Variants in VAV3 observed in about 807,000 individuals in gnomAD.
VAV3 encodes the protein guanine nucleotide exchange factor VAV3.
Under a neutral mutation model 131.2 loss-of-function variants are expected in VAV3, and 94 were observed. That is an observed-to-expected ratio of 0.72 (90% CI 0.61 to 0.85). The LOEUF (loss-of-function observed/expected upper bound fraction) is 0.85. VAV3 is among the 40% of genes least tolerant of loss of function. The pLI, the probability that VAV3 is intolerant of heterozygous loss-of-function variation, is 0.00. For synonymous variants in VAV3, 349 were observed against 342.0 expected, an observed-to-expected ratio of 1.02 and a Z score of -0.22; for missense variants, 939 against 1,002.7, an observed-to-expected ratio of 0.94 and a Z score of 0.86.
chr1:107,721,325 A>G (rs1049259393), intron 15 of VAV3, among the ~76,000 whole-genome samples: 8 of 152,192 alleles, frequency 5.3e-5, no homozygotes, highest in African/African-American at 1.9e-4. Context: ...AGTATTCCAG[A>G]ACTGTTCAGA....
chr1:107,896,817 A>G (rs545906548), intron 1 of VAV3, among the ~76,000 whole-genome samples: 1 of 152,296 alleles, frequency 6.6e-6, no homozygotes, highest in African/African-American at 2.4e-5. Context: ...TTTGTTATGT[A>G]TTAGAGGGGA....
At chr1:107,841,420 C>T (rs989387293) in intron 2 of VAV3, among the ~76,000 whole-genome samples, 1 of 151,988 alleles carries the variant, frequency 6.6e-6, no homozygotes, top group African/African-American at 2.4e-5. Context: ...GAAACAGTAG[C>T]GGTTGCTATT....
chr1:107,906,326 G>A (rs922053895), intron 1 of VAV3, among the ~76,000 whole-genome samples: 10 of 152,114 alleles, frequency 6.6e-5, no homozygotes, highest in African/African-American at 2.4e-4. Flanking sequence ...GGCCAGCAAG[G>A]AACACATGTC....
intron 1 of VAV3, among the ~76,000 whole-genome samples, chr1:107,933,773 A>C (rs1257450426): frequency 6.9e-6 from 1 of 145,954 alleles, no homozygotes; most frequent in Non-Finnish European, 1.5e-5. Flanking sequence ...CCATGATTGC[A>C]CCACTCCATG....
chr1:107,894,941 T>C (rs1671494139), intron 1 of VAV3, among the ~76,000 whole-genome samples: 1 of 152,220 alleles, frequency 6.6e-6, no homozygotes, highest in African/African-American at 2.4e-5. Flanking sequence ...TCATGTTTGC[T>C]TTAACACAAA....
At chr1:107,641,536 C>T (rs1003251489) in intron 20 of VAV3, among the ~76,000 whole-genome samples, 1 of 152,036 alleles carries the variant, frequency 6.6e-6, no homozygotes, top group Non-Finnish European at 1.5e-5. Context: ...TACCTAAGTT[C>T]AAAAAAAGTT....
At chr1:107,943,771 G>A (rs1674113608) in intron 1 of VAV3, among the ~76,000 whole-genome samples, 1 of 152,194 alleles carries the variant, frequency 6.6e-6, no homozygotes, top group East Asian at 1.9e-4. Context: ...AAAACTCTGT[G>A]GCTTTTACAG....
At chr1:107,814,089 T>C (rs2102339248) in intron 2 of VAV3, among the ~76,000 whole-genome samples, 1 of 151,962 alleles carries the variant, frequency 6.6e-6, no homozygotes, top group African/African-American at 2.4e-5. Context: ...ATCTTGGCAA[T>C]TGTGAATAGT....
intron 2 of VAV3, among the ~76,000 whole-genome samples, chr1:107,784,309 C>T (rs1429995519): frequency 6.6e-6 from 1 of 152,088 alleles, no homozygotes; most frequent in African/African-American, 2.4e-5. Context: ...AGAGTCATGT[C>T]ATATGTATAC....
At chr1:107,833,607 T>C (rs1384990626) in intron 2 of VAV3, among the ~76,000 whole-genome samples, 2 of 152,224 alleles carry the variant, frequency 1.3e-5, no homozygotes, top group African/African-American at 4.8e-5. Context: ...TACAACATTC[T>C]AGGTTTATCT....
chr1:107,587,686 G>A (rs369667906), intron 25 of VAV3, among the ~76,000 whole-genome samples: 2 of 152,136 alleles, frequency 1.3e-5, no homozygotes, highest in Non-Finnish European at 2.9e-5. Flanking sequence ...CACTTCCTGG[G>A]TTCAAGCAAT....
intron 19 of VAV3, among the ~76,000 whole-genome samples, chr1:107,647,863 AC>A (rs1655850686): frequency 6.6e-6 from 1 of 152,056 alleles, no homozygotes. Context: ...ATACAAGTTC[AC>A]AATCTAAGAA....
At chr1:107,894,152 T>G (rs1671458487) in intron 1 of VAV3, among the ~76,000 whole-genome samples, 1 of 152,240 alleles carries the variant, frequency 6.6e-6, no homozygotes, top group Non-Finnish European at 1.5e-5. Context: ...AAATGGACAC[T>G]GTTTACTCGG....
chr1:107,588,361 A>G (rs1261960154), intron 25 of VAV3, among the ~76,000 whole-genome samples: 1 of 152,220 alleles, frequency 6.6e-6, no homozygotes, highest in African/African-American at 2.4e-5. Context: ...CAGGAAATAG[A>G]AGTAGGAAAC....
chr1:107,922,768 C>T (rs978248391), intron 1 of VAV3, among the ~76,000 whole-genome samples: 6 of 150,932 alleles, frequency 4.0e-5, no homozygotes, highest in Non-Finnish European at 8.9e-5. Flanking sequence ...CTGGCTAACA[C>T]AGTGAAACCC....
At chr1:107,685,026 A>AAAATAGAAG (rs1658919676) in intron 18 of VAV3, among the ~76,000 whole-genome samples, 2 of 152,162 alleles carry the variant, frequency 1.3e-5, no homozygotes, top group Non-Finnish European at 2.9e-5. Context: ...CTGTCTTTCT[A>AAAATAGAAG]CTGATTTTAT....
chr1:107,849,402 T>C (rs139959870), intron 2 of VAV3, among the ~76,000 whole-genome samples: 3,244 of 152,038 alleles, frequency 0.021, 48 homozygotes, highest in Middle Eastern at 0.031. Context: ...TGGAACAGAA[T>C]AGAGGCCTCA....
chr1:107,944,076 G>T (rs1415744768), intron 1 of VAV3, among the ~76,000 whole-genome samples: 1 of 152,176 alleles, frequency 6.6e-6, no homozygotes, highest in Non-Finnish European at 1.5e-5. Context: ...GTCTCCCAAG[G>T]TCAAAATAAT....
intron 2 of VAV3, among the ~76,000 whole-genome samples, chr1:107,856,410 G>A (rs1170680277): frequency 6.6e-6 from 1 of 152,010 alleles, no homozygotes; most frequent in Non-Finnish European, 1.5e-5. Flanking sequence ...TTGAGCCAAA[G>A]TCAAACCAGA....
Sources: gnomAD v4.1 joint callset for allele counts (sites outside exome capture counted in the v4.1 genomes callset) on GRCh38, gnomAD v4.1.1 for gene constraint, MANE v1.5 for transcripts, NCBI Gene and HGNC (gene_info 2026-07-23, HGNC 2026-07-21) for gene names.